The following WWOX variants were observed in gnomAD, a reference collection of about 807,000 sequenced individuals.
The protein encoded by WWOX is WW domain-containing oxidoreductase.
Under a neutral mutation model 46.2 loss-of-function variants are expected in WWOX, and 69 were observed. The ratio of observed to expected loss-of-function variants is 1.49; its 90% CI spans 1.23 to 1.82. The LOEUF (loss-of-function observed/expected upper bound fraction) is 1.82. WWOX is among the 40% of genes most tolerant of loss of function. WWOX has a pLI of 0.00. For missense variants in WWOX, 919 were observed against 542.6 expected (o/e 1.69, Z -6.89); for synonymous variants, 359 against 202.6 (o/e 1.77, Z -6.56).
chr16:78,465,934 G>C (rs1035793210), intron 8 of WWOX, among the ~76,000 whole-genome samples: 1 of 152,174 alleles, frequency 6.6e-6, no homozygotes, highest in Admixed American at 6.5e-5. Flanking sequence ...ATGCAGAGTA[G>C]GCAAATTCAT....
intron 8 of WWOX, among the ~76,000 whole-genome samples, chr16:79,154,078 C>A (rs990946162): frequency 6.6e-6 from 1 of 152,164 alleles, no homozygotes; most frequent in Admixed American, 6.5e-5. Context: ...TTCTAACATG[C>A]TGAGTGGATG....
At chr16:78,501,534 TTTTC>T (rs1207702285) in intron 8 of WWOX, among the ~76,000 whole-genome samples, 3 of 151,650 alleles carry the variant, frequency 2.0e-5, no homozygotes, top group Non-Finnish European at 4.4e-5. Context: ...GAGAAGTTCT[TTTTC>T]TTTCTTTTTT....
chr16:78,470,519 T>C (rs2084196629), intron 8 of WWOX, among the ~76,000 whole-genome samples: 1 of 151,960 alleles, frequency 6.6e-6, no homozygotes, highest in Non-Finnish European at 1.5e-5. Context: ...TATGTATATA[T>C]GTATGTATGC....
At chr16:78,227,362 C>T (rs910200242) in intron 5 of WWOX, among the ~76,000 whole-genome samples, 20 of 152,268 alleles carry the variant, frequency 1.3e-4, no homozygotes, top group African/African-American at 4.8e-4. Context: ...TGAGACTCTC[C>T]GCCCATAGGA....
At chr16:78,858,124 T>C (rs1415602582) in intron 8 of WWOX, among the ~76,000 whole-genome samples, 2 of 144,588 alleles carry the variant, frequency 1.4e-5, no homozygotes, top group Non-Finnish European at 1.5e-5. Context: ...AAGATACCTC[T>C]ATATACATAC....
At chr16:78,186,303 A>G (rs984703217) in intron 5 of WWOX, among the ~76,000 whole-genome samples, 2 of 149,860 alleles carry the variant, frequency 1.3e-5, no homozygotes, top group Non-Finnish European at 3.0e-5. Flanking sequence ...CTTTATTTTC[A>G]TCAGACATTG....
chr16:78,965,546 G>T (rs2046348881), intron 8 of WWOX, among the ~76,000 whole-genome samples: 1 of 150,796 alleles, frequency 6.6e-6, no homozygotes. Context: ...CTCCAGCCTG[G>T]GTAACGAGCA....
At chr16:78,574,149 C>A (rs906033487) in intron 8 of WWOX, among the ~76,000 whole-genome samples, 1 of 152,178 alleles carries the variant, frequency 6.6e-6, no homozygotes, top group Non-Finnish European at 1.5e-5. Context: ...TCCTGAATAT[C>A]TGGGCTTTTC....
chr16:78,341,275 G>C (rs1204471654), intron 5 of WWOX, among the ~76,000 whole-genome samples: 1 of 119,672 alleles, frequency 8.4e-6, no homozygotes, highest in Non-Finnish European at 2.0e-5. Context: ...AAACTGCTGG[G>C]ATTATAGGCA....
At chr16:78,768,361 G>A (rs2049978225) in intron 8 of WWOX, among the ~76,000 whole-genome samples, 1 of 151,570 alleles carries the variant, frequency 6.6e-6, no homozygotes, top group Non-Finnish European at 1.5e-5. Flanking sequence ...AGGCTGAGGT[G>A]GGCGGATCAT....
chr16:78,948,492 G>A (rs1003963529), intron 8 of WWOX, among the ~76,000 whole-genome samples: 13 of 152,152 alleles, frequency 8.5e-5, no homozygotes, highest in East Asian at 1.9e-4. Context: ...AGAACCTCCC[G>A]TTTCCTGAAA....
chr16:78,825,402 T>A (rs770755802), intron 8 of WWOX: 1 of 295,860 alleles, frequency 3.4e-6, no homozygotes, highest in Non-Finnish European at 6.9e-6. Flanking sequence ...AGGTTCAAGT[T>A]ACACCCATCA....
chr16:79,041,790 C>G (rs986508418), intron 8 of WWOX, among the ~76,000 whole-genome samples: 2 of 152,178 alleles, frequency 1.3e-5, no homozygotes, highest in Non-Finnish European at 2.9e-5. Flanking sequence ...ATTCCATACG[C>G]TTTTGCTTTA....
chr16:79,056,215 C>CA lies in WWOX; in HGVS notation c.1057-155374dup, dbSNP rs199968406. Among the ~76,000 whole-genome samples, 627 of 139,162 alleles carry CA rather than the reference C, an allele frequency of 4.5e-3. 3 individuals are homozygous for CA. The highest frequency in any genetic ancestry group is 0.011 in the South Asian group (45 of 4,030). 91.3% of individuals were successfully genotyped at this position (139,162 alleles called of 152,430 possible). A position where few individuals can be genotyped will look rare whatever the true frequency, so the allele number is the denominator to read the frequency against. On this transcript the variant is annotated intron_variant, in intron 8 of 8. Coordinates refer to ENST00000566780, the MANE Select transcript of WWOX (RefSeq NM_016373.4). ...GCTAAGTAATAGGCTGTCACTAGAC[C>CA]AAAAAAAAAAAAAAAAAAATTCAGC...
At chr16:78,837,029 T>C (rs1302348640) in intron 8 of WWOX, among the ~76,000 whole-genome samples, 1 of 151,774 alleles carries the variant, frequency 6.6e-6, no homozygotes, top group Non-Finnish European at 1.5e-5. Flanking sequence ...TCCCACACAA[T>C]GGAAACCAGA....
intron 8 of WWOX, among the ~76,000 whole-genome samples, chr16:78,595,549 C>T (rs1055515620): frequency 6.6e-6 from 1 of 152,188 alleles, no homozygotes; most frequent in Non-Finnish European, 1.5e-5. Context: ...CTCAATCTCT[C>T]CCTCCCCACC....
At chr16:79,181,914 T>C (rs923819085) in intron 8 of WWOX, among the ~76,000 whole-genome samples, 5 of 152,198 alleles carry the variant, frequency 3.3e-5, no homozygotes, top group South Asian at 2.1e-4. Context: ...AGCATTGTTA[T>C]TAATATAATT....
chr16:78,369,897 C>A (rs376456836), intron 5 of WWOX, among the ~76,000 whole-genome samples: 2 of 152,086 alleles, frequency 1.3e-5, no homozygotes, highest in East Asian at 1.9e-4. Flanking sequence ...CTTTGGGAGG[C>A]CGAGGCGGGA....
At chr16:79,173,065 G>A (rs1391064078) in intron 8 of WWOX, among the ~76,000 whole-genome samples, 1 of 152,066 alleles carries the variant, frequency 6.6e-6, no homozygotes, top group Non-Finnish European at 1.5e-5. Context: ...TCATTGCATT[G>A]GAAAGACCTC....
Sources: allele counts gnomAD v4.1 joint callset (sites outside exome capture counted in the v4.1 genomes callset), GRCh38; gene constraint gnomAD v4.1.1; transcripts MANE v1.5; gene names NCBI Gene and HGNC (gene_info 2026-07-23, HGNC 2026-07-21).